GPR137: variants seen among roughly 807,000 people sequenced by gnomAD.
The protein encoded by GPR137 is integral membrane protein GPR137.
GPR137 carries 20 observed loss-of-function variants against 38.9 expected under a neutral mutation model. The observed-to-expected ratio is 0.51, with a 90% confidence interval of 0.36 to 0.75. The LOEUF is 0.75. Ranked by LOEUF, GPR137 falls within the 30% of genes least tolerant of loss-of-function variation. The probability of loss-of-function intolerance (pLI) is 0.00; values close to 1 mark genes in which losing one functional copy is unlikely to be tolerated. For synonymous variants in GPR137, 226 were observed against 235.8 expected (o/e 0.96, Z 0.38); for missense variants, 456 against 526.4 (o/e 0.87, Z 1.31).
At chr11:64,280,024 T>C (rs2033335803), upstream of GPR137, among the ~76,000 whole-genome samples, 1 of 151,172 alleles carries the variant, frequency 6.6e-6, no homozygotes, top group African/African-American at 2.4e-5. Flanking sequence ...TCTCTAAAAT[T>C]AATAATAATT....
upstream of GPR137, chr11:64,271,661 A>G: frequency 1.3e-6 from 2 of 1,510,486 alleles, no homozygotes; most frequent in South Asian, 1.2e-5. Flanking sequence ...GCTCGCGGCC[A>G]TAGCGCTGTG....
chr11:64,289,195 G>A lies in GPR137; in HGVS notation c.1190G>A (p.Ter397=). Residue 397 remains the stop codon, a stop_retained_variant, in exon 7 of 7, where the codon TGA becomes TAA. Coordinates refer to ENST00000438980, the MANE Select transcript of GPR137 (RefSeq NM_001170880.2). ...HHSLYSTPQT[*] is the part of the protein sequence containing the mutation. ...AGTCTCTACTCCACCCCACAGACGT[G>A]ATCCCCCTCCCTCCCCCACAGAATA... 1 of 1,612,816 alleles carries A rather than the reference G, an allele frequency of 6.2e-7. No homozygotes were observed. The highest frequency in any genetic ancestry group is 1.1e-5 in the South Asian group (1 of 91,066).
intron 2 of GPR137, among the ~76,000 whole-genome samples, chr11:64,278,686 G>T (rs2033228625): frequency 6.6e-6 from 1 of 152,132 alleles, no homozygotes; most frequent in Admixed American, 6.5e-5. Flanking sequence ...GCTTCTTTCT[G>T]CCTCTCCACT....
At chr11:64,271,548 A>T, upstream of GPR137, 3 of 1,362,674 alleles carry the variant, frequency 2.2e-6, no homozygotes, top group Non-Finnish European at 2.8e-6. Context: ...GGGACAAGGC[A>T]GGGACAGACC....
At chr11:64,278,397 A>AAT (rs1290934070) in intron 2 of GPR137, among the ~76,000 whole-genome samples, 12 of 148,180 alleles carry the variant, frequency 8.1e-5, no homozygotes, top group East Asian at 2.0e-4. Flanking sequence ...TTTATATATA[A>AAT]ATATATATAT....
chr11:64,270,795 C>A, upstream of GPR137: 2 of 403,634 alleles, frequency 5.0e-6, no homozygotes, highest in South Asian at 3.5e-5. Flanking sequence ...CAGGTGCCAG[C>A]AAGGAGCACA....
upstream of GPR137, among the ~76,000 whole-genome samples, chr11:64,281,301 A>T (rs1460940185): frequency 6.6e-6 from 1 of 151,052 alleles, no homozygotes; most frequent in Admixed American, 6.6e-5. Context: ...CATCATCCTG[A>T]CTCCTCTCTT....
At position 64,287,922 on chromosome 11, in the gene GPR137, C is replaced by T. The variant is rs1045468641; in HGVS notation, c.609C>T (p.Ser203=). Residue 203 remains serine (S), a synonymous_variant, in exon 3 of 7, where the codon TCC becomes TCT. Coordinates refer to ENST00000438980, the MANE Select transcript of GPR137 (RefSeq NM_001170880.2). ...GCCTCGTCGCCAGGCGGGCGCCCTC[C>T]ACTAGCATCTACCTGGAGGCCAAGG... ...CLCLVARRAP[S]TSIYLEAKGT... is the part of the protein sequence containing the mutation. 1 of 1,601,902 alleles carries T rather than the reference C, an allele frequency of 6.2e-7. No homozygotes were observed. The highest frequency in any genetic ancestry group is 1.1e-5 in the South Asian group (1 of 91,086).
chr11:64,285,024 C>G (rs868193828), upstream of GPR137: 195 of 1,193,114 alleles, frequency 1.6e-4, no homozygotes, highest in Middle Eastern at 1.3e-3. Context: ...TGACAGCTCC[C>G]CCGGGAGCCA....
upstream of GPR137, among the ~76,000 whole-genome samples, chr11:64,280,313 C>T (rs1483372743): frequency 7.4e-6 from 1 of 134,912 alleles, no homozygotes; most frequent in Non-Finnish European, 1.6e-5. Flanking sequence ...GAGCAAGACT[C>T]CATGTCAAAA....
At chr11:64,281,125 G>A (rs1374831517), upstream of GPR137, among the ~76,000 whole-genome samples, 1 of 152,046 alleles carries the variant, frequency 6.6e-6, no homozygotes, top group Non-Finnish European at 1.5e-5. Context: ...CCACCACCAC[G>A]CCCAGAGAAT....
upstream of GPR137, chr11:64,285,394 C>T: frequency 1.0e-6 from 1 of 984,918 alleles, no homozygotes; most frequent in Non-Finnish European, 1.2e-6. Flanking sequence ...AGCAGGGCCG[C>T]GGGCGCGCCG....
rs2034465295 is a variant in GPR137 at position 64,288,902 on chromosome 11, C to T, written c.1032-135C>T. On this transcript the variant is annotated intron_variant, in intron 6 of 6. Coordinates refer to ENST00000438980, the MANE Select transcript of GPR137 (RefSeq NM_001170880.2). The surrounding 1 kb of genome is among the most constrained non-coding windows in gnomAD (Gnocchi z 5.5). Reference sequence around the variant, plus strand: ...TATTGCTAAAGCCTCCACCTCTTGCCTAGAGATGTACTTTGTCCTGGGCCC... The same window carrying T: ...TATTGCTAAAGCCTCCACCTCTTGCTTAGAGATGTACTTTGTCCTGGGCCC... 6.9e-7 allele frequency: 1 copy of T among 1,440,522 alleles called. No homozygotes were observed. Among genetic ancestry groups the T allele is most frequent in the African/African-American group, 1.4e-5 (1 of 69,798 alleles). 89.2% of individuals were successfully genotyped at this position (1,440,522 alleles called of 1,614,324 possible).
chr11:64,280,445 G>C (rs1157137726), upstream of GPR137, among the ~76,000 whole-genome samples: 1 of 146,500 alleles, frequency 6.8e-6, no homozygotes, highest in Non-Finnish European at 1.5e-5. Flanking sequence ...TCTGCCTCCC[G>C]GGTTCATGCC....
At chr11:64,280,361 T>C (rs199680403), upstream of GPR137, among the ~76,000 whole-genome samples, 1 of 61,556 alleles carries the variant, frequency 1.6e-5, no homozygotes, top group Non-Finnish European at 3.9e-5. Context: ...AATAATAATT[T>C]TTTTTTTTGA....
At chr11:64,272,851 G>C (rs1328522828), upstream of GPR137, 1 of 152,250 alleles carries the variant, frequency 6.6e-6, no homozygotes, top group East Asian at 1.9e-4. Context: ...CTCTTAGCCT[G>C]TGTCCTCACC....
rs1258995712 is a variant in GPR137 at position 64,286,149 on chromosome 11, TCCC to T, written c.-373_-371del. 4 of 1,029,070 alleles carry T rather than the reference TCCC, an allele frequency of 3.9e-6. No homozygotes were observed. In the East Asian group the frequency reaches 3.2e-4, roughly 84 times the overall value. 63.7% of individuals were successfully genotyped at this position (1,029,070 alleles called of 1,614,324 possible). A position where few individuals can be genotyped will look rare whatever the true frequency, so the allele number is the denominator to read the frequency against. On this transcript the variant is annotated 5_prime_UTR_variant, in exon 1 of 7. Transcript: ENST00000438980. ...TGACCCGACGGGTATCAGCCGGCTC[TCCC>T]CCTCCACCCAGGACGACATGAACGA...
upstream of GPR137, chr11:64,284,489 C>T: frequency 6.3e-7 from 1 of 1,585,504 alleles, no homozygotes; most frequent in Non-Finnish European, 8.5e-7. Context: ...CCCAGGCCCG[C>T]CAGGCCTCCT....
At chr11:64,278,523 C>T (rs967725832) in intron 2 of GPR137, among the ~76,000 whole-genome samples, 2 of 152,116 alleles carry the variant, frequency 1.3e-5, no homozygotes, top group African/African-American at 4.8e-5. Context: ...AGGTCCTCGC[C>T]ACAGCCCTGC....
Sources: allele counts gnomAD v4.1 joint callset (sites outside exome capture counted in the v4.1 genomes callset), GRCh38; gene constraint gnomAD v4.1.1; non-coding constraint Gnocchi (gnomAD v3.1); transcripts MANE v1.5; gene names NCBI Gene and HGNC (gene_info 2026-07-23, HGNC 2026-07-21).